Variants in TXLNB observed in about 807,000 individuals in gnomAD.
TXLNB encodes the protein beta-taxilin.
In TXLNB, 37 loss-of-function variants were observed where a neutral mutation model predicts 57.4. The observed-to-expected ratio is 0.64, with a 90% CI of 0.50 to 0.85. The LOEUF (loss-of-function observed/expected upper bound fraction) is 0.85, where lower values mean the gene tolerates loss of function less well. Ranked by LOEUF, TXLNB falls within the 40% of genes least tolerant of loss-of-function variation. The pLI is 0.00. For missense variants in TXLNB, 848 were observed against 825.6 expected (o/e 1.03, Z -0.33); for synonymous variants, 302 against 309.6 (o/e 0.98, Z 0.26).
chr6:139,205,970 C>T, the TXLNB span, among the ~76,000 whole-genome samples: 1 of 152,310 alleles, frequency 6.6e-6, no homozygotes, highest in South Asian at 2.1e-4. Context: ...AGATTAACAG[C>T]AGATTCCTCA....
the TXLNB span, among the ~76,000 whole-genome samples, chr6:139,181,629 C>A: frequency 6.6e-6 from 1 of 152,144 alleles, no homozygotes. Flanking sequence ...TAATCTCTTA[C>A]TGTGCTTAAT....
intron 7 of TXLNB, among the ~76,000 whole-genome samples, chr6:139,255,174 C>T (rs1421809509): frequency 3.3e-5 from 5 of 152,066 alleles, no homozygotes; most frequent in Non-Finnish European, 1.5e-5. Flanking sequence ...TCTTAAGAAT[C>T]GCCAGTCATA....
At chr6:139,310,980 C>A in the TXLNB span, among the ~76,000 whole-genome samples, 1 of 152,240 alleles carries the variant, frequency 6.6e-6, no homozygotes, top group Non-Finnish European at 1.5e-5. Flanking sequence ...CAGGCGTGAG[C>A]CACCGTGCCC....
At chr6:139,181,478 C>G in the TXLNB span, among the ~76,000 whole-genome samples, 22 of 152,302 alleles carry the variant, frequency 1.4e-4, no homozygotes, top group South Asian at 4.6e-3. Context: ...GCCTATTAGT[C>G]ACTTAGGAGG....
At chr6:139,312,539 T>A in the TXLNB span, among the ~76,000 whole-genome samples, 5 of 152,138 alleles carry the variant, frequency 3.3e-5, no homozygotes, top group African/African-American at 1.2e-4. Context: ...GACAGTATAA[T>A]TTTATTAAGT....
the TXLNB span, among the ~76,000 whole-genome samples, chr6:139,212,599 T>C: frequency 6.6e-6 from 1 of 152,116 alleles, no homozygotes; most frequent in Non-Finnish European, 1.5e-5. Flanking sequence ...GCTAACATCA[T>C]AATGACAGGA....
the TXLNB span, among the ~76,000 whole-genome samples, chr6:139,223,991 G>A: frequency 6.8e-6 from 1 of 147,494 alleles, no homozygotes; most frequent in Non-Finnish European, 1.5e-5. Flanking sequence ...AAAGACACAT[G>A]CACACGTATG....
At chr6:139,323,362 A>C in the TXLNB span, among the ~76,000 whole-genome samples, 1 of 149,676 alleles carries the variant, frequency 6.7e-6, no homozygotes, top group African/African-American at 2.5e-5. Context: ...GGCTCACTGC[A>C]ATCTCCGCCT....
chr6:139,227,188 A>T, the TXLNB span, among the ~76,000 whole-genome samples: 37 of 151,638 alleles, frequency 2.4e-4, no homozygotes, highest in African/African-American at 7.8e-4. Context: ...AAAATACAAA[A>T]ATTAGCCAGG....
chr6:139,170,980 T>G, the TXLNB span, among the ~76,000 whole-genome samples: 4 of 152,128 alleles, frequency 2.6e-5, no homozygotes, highest in African/African-American at 9.7e-5. Flanking sequence ...AAAATTCACT[T>G]TGTTTCTAGA....
downstream of TXLNB, among the ~76,000 whole-genome samples, chr6:139,238,486 T>G (rs987606648): frequency 3.9e-5 from 6 of 152,226 alleles, no homozygotes; most frequent in Non-Finnish European, 5.9e-5. Flanking sequence ...TATTTATGTA[T>G]ATGTATGTGT....
chr6:139,298,367 C>G, the TXLNB span, among the ~76,000 whole-genome samples: 1 of 152,158 alleles, frequency 6.6e-6, no homozygotes, highest in African/African-American at 2.4e-5. Context: ...TATACCAATT[C>G]TCTGTTGAAT....
the TXLNB span, among the ~76,000 whole-genome samples, chr6:139,317,556 C>A: frequency 6.6e-6 from 1 of 152,016 alleles, no homozygotes; most frequent in Non-Finnish European, 1.5e-5. Context: ...CCCGCCACCA[C>A]GCCCAGCTAA....
At chr6:139,218,318 A>G in the TXLNB span, among the ~76,000 whole-genome samples, 10 of 152,232 alleles carry the variant, frequency 6.6e-5, no homozygotes, top group Admixed American at 2.6e-4. Flanking sequence ...ATTGTCAGAA[A>G]TGTGCTATTA....
chr6:139,216,828 G>A, the TXLNB span, among the ~76,000 whole-genome samples: 2 of 152,080 alleles, frequency 1.3e-5, no homozygotes. Flanking sequence ...GGATGCAAAG[G>A]CATAAGTATG....
At chr6:139,204,535 C>G in the TXLNB span, among the ~76,000 whole-genome samples, 2 of 152,156 alleles carry the variant, frequency 1.3e-5, no homozygotes, top group African/African-American at 2.4e-5. Flanking sequence ...AAGCTCCCAA[C>G]TGAATTTTGT....
At chr6:139,202,379 T>C in the TXLNB span, among the ~76,000 whole-genome samples, 7 of 152,228 alleles carry the variant, frequency 4.6e-5, no homozygotes, top group African/African-American at 1.7e-4. Flanking sequence ...ATTTTGGTTG[T>C]GTAATGGGAC....
chr6:139,294,381 T>C (rs949947126), upstream of TXLNB, among the ~76,000 whole-genome samples: 1 of 152,184 alleles, frequency 6.6e-6, no homozygotes, highest in East Asian at 1.9e-4. Context: ...GGGGCTCTCA[T>C]TTGATACGGC....
At chr6:139,281,966 G>A (rs192118139) in intron 2 of TXLNB, among the ~76,000 whole-genome samples, 117 of 151,756 alleles carry the variant, frequency 7.7e-4, no homozygotes, top group Admixed American at 1.7e-3. Context: ...TTGGTCAGAA[G>A]AGAGTACTAA....
Sources: gnomAD v4.1 joint callset for allele counts (sites outside exome capture counted in the v4.1 genomes callset) on GRCh38, gnomAD v4.1.1 for gene constraint, MANE v1.5 for transcripts, NCBI Gene and HGNC (gene_info 2026-07-23, HGNC 2026-07-21) for gene names.